Variants in ZNF33A observed in about 807,000 individuals in gnomAD.
ZNF33A encodes the protein brain my041 protein.
A neutral mutation model predicts 15.9 loss-of-function variants in ZNF33A; 9 were observed. The ratio of observed to expected loss-of-function variants is 0.57; its 90% CI spans 0.34 to 0.99. The LOEUF (loss-of-function observed/expected upper bound fraction) is 0.99, where lower values mean the gene tolerates loss of function less well. ZNF33A is among the 50% of genes least tolerant of loss of function. The pLI is 0.02. For missense variants in ZNF33A, 843 were observed against 941.6 expected (o/e 0.90, Z 1.37); for synonymous variants, 294 against 324.2 (o/e 0.91, Z 1.00).
At chr10:38,045,290 A>G (rs1031074394) in intron 4 of ZNF33A, among the ~76,000 whole-genome samples, 7 of 152,286 alleles carry the variant, frequency 4.6e-5, no homozygotes, top group Non-Finnish European at 7.3e-5. Flanking sequence ...GGAAATGCAC[A>G]CTATCTTTGG....
chr10:38,012,536 A>G (rs1475008967), intron 2 of ZNF33A, among the ~76,000 whole-genome samples, 186 bp downstream of exon 2: 2 of 149,606 alleles, frequency 1.3e-5, no homozygotes, highest in Admixed American at 6.8e-5. Flanking sequence ...GGTTCAAGCA[A>G]TTCTCCTGCC....
intron 4 of ZNF33A, among the ~76,000 whole-genome samples, chr10:38,022,652 T>G: frequency 9.7e-6 from 1 of 103,516 alleles, no homozygotes; most frequent in Non-Finnish European, 1.9e-5. Context: ...AGCAAAACTC[T>G]GTCTCAAAAA....
intron 4 of ZNF33A, among the ~76,000 whole-genome samples, chr10:38,024,587 A>C (rs2064901268): frequency 6.6e-6 from 1 of 152,220 alleles, no homozygotes; most frequent in African/African-American, 2.4e-5. Flanking sequence ...TCAAAGTCAT[A>C]AACAGTTGAA....
chr10:38,057,486 T>C lies in ZNF33A; in HGVS notation c.*926T>C. 1 of 985,426 alleles carries C rather than the reference T, an allele frequency of 1.0e-6. No homozygotes were observed. The highest frequency in any genetic ancestry group is 1.2e-6 in the Non-Finnish European group (1 of 829,932). 61.0% of individuals were successfully genotyped at this position (985,426 alleles called of 1,614,324 possible). On this transcript the variant is annotated 3_prime_UTR_variant, in exon 5 of 5. Transcript: ENST00000432900. ...ATATGCATAATGGAATTTAACGTAA[T>C]TGTGAATAGGAAGTAGGTATCCTAG...
intron 4 of ZNF33A, among the ~76,000 whole-genome samples, chr10:38,038,137 T>G: frequency 6.6e-6 from 1 of 152,338 alleles, no homozygotes; most frequent in Middle Eastern, 3.4e-3. Context: ...TTATTTTATT[T>G]ATTTACTTAT....
At position 38,055,142 on chromosome 10, in the gene ZNF33A, G is replaced by A. The variant is rs543319974; in HGVS notation, c.1018G>A (p.Glu340Lys). 2.5e-6 allele frequency: 4 copies of A among 1,614,052 alleles called. No homozygotes were observed. The African/African-American group carries it at 5.3e-5, about 22-fold the overall frequency. ...TAATGAATGTGGGAAAGCTTTCTGG[G>A]AGAAGTCACATCTCACTCGACATCA... ...ECNECGKAFW[E>K]KSHLTRHQRV... Residue 340 changes from glutamate to lysine, a missense_variant, in exon 5 of 5, where the codon GAG becomes AAG. Glu to Lys is a moderately conservative substitution (Grantham distance 56). Transcript: ENST00000432900.
intron 4 of ZNF33A, among the ~76,000 whole-genome samples, chr10:38,044,849 G>A (rs1694353642): frequency 6.6e-6 from 1 of 151,690 alleles, no homozygotes; most frequent in Non-Finnish European, 1.5e-5. Flanking sequence ...TGTGTTTTTA[G>A]TAGAGACGGG....
intron 1 of ZNF33A, among the ~76,000 whole-genome samples, chr10:38,011,998 T>A (rs2064207682): frequency 2.0e-5 from 3 of 152,194 alleles, no homozygotes; most frequent in Admixed American, 2.0e-4. Context: ...CTTTTTTTTG[T>A]GAACACCGAG....
At chr10:38,043,262 C>G (rs2065787832) in intron 4 of ZNF33A, among the ~76,000 whole-genome samples, 1 of 149,282 alleles carries the variant, frequency 6.7e-6, no homozygotes, top group African/African-American at 2.5e-5. Context: ...AAACCAAACA[C>G]AGCATGTTCT....
At chr10:38,060,667 A>C (rs1268351980), downstream of ZNF33A, among the ~76,000 whole-genome samples, 1 of 152,160 alleles carries the variant, frequency 6.6e-6, no homozygotes. Flanking sequence ...CAGGGTGAAA[A>C]GGAAGCAGTT....
At chr10:38,045,668 C>A (rs573524742) in intron 4 of ZNF33A, among the ~76,000 whole-genome samples, 19 of 152,340 alleles carry the variant, frequency 1.2e-4, no homozygotes, top group Admixed American at 1.2e-3. Context: ...TCTTAGCCAT[C>A]TCTTTCCCTT....
rs552318543 is a variant in ZNF33A, at chr10:38,057,109, A to G, written c.*549A>G. On this transcript the variant is annotated 3_prime_UTR_variant, in exon 5 of 5. Transcript: ENST00000432900. ...TCAGATTTTACTATGGTTTGCATGCACTCTGTGTGTGTGTGTACGTGTATG... is the reference window on the plus strand; with the variant it reads ...TCAGATTTTACTATGGTTTGCATGCGCTCTGTGTGTGTGTGTACGTGTATG... 3.8e-4 allele frequency: 268 copies of G among 705,320 alleles called. No homozygotes were observed. The highest frequency in any genetic ancestry group is 4.5e-4 in the Non-Finnish European group (257 of 573,710). The allele number at this position is 705,320 out of a possible 1,614,324, so 43.7% of individuals were successfully genotyped here. A position where few individuals can be genotyped will look rare whatever the true frequency, so the allele number is the denominator to read the frequency against.
chr10:38,037,370 C>T (rs1431265139), intron 4 of ZNF33A, among the ~76,000 whole-genome samples: 1 of 151,878 alleles, frequency 6.6e-6, no homozygotes, highest in African/African-American at 2.4e-5. Context: ...GACGCCCAGC[C>T]TGGTGGGCAG....
At chr10:38,012,476 G>A (rs2064234034) in intron 2 of ZNF33A, 126 bp downstream of exon 2, 4 of 1,156,202 alleles carry the variant, frequency 3.5e-6, no homozygotes, top group South Asian at 1.5e-5. Context: ...CTGTCACCCA[G>A]GCTGGAGTAC....
Position 38,056,115 on chromosome 10 carries a change from C to G in ZNF33A, c.1991C>G (p.Pro664Arg), listed in dbSNP as rs762102201. 1 of 1,613,836 alleles carries G rather than the reference C, an allele frequency of 6.2e-7. No individual in the cohort carries two copies. Among genetic ancestry groups the G allele is most frequent in the Non-Finnish European group, 8.5e-7 (1 of 1,179,992 alleles). Residue 664 changes from proline (P) to arginine (R), a missense_variant, in exon 5 of 5, where the codon CCC (proline) becomes CGC (arginine). Transcript: ENST00000432900. ...VHQRTHTQEKPYKCNECGKSF... is the reference protein window; with the variant it reads ...VHQRTHTQEKRYKCNECGKSF... ...CAGAGAACCCATACACAAGAAAAGCCCTATAAATGTAATGAATGTGGAAAA... is the reference window on the plus strand; with the variant it reads ...CAGAGAACCCATACACAAGAAAAGCGCTATAAATGTAATGAATGTGGAAAA...
rs28420672 is a variant in ZNF33A at position 38,015,875 on chromosome 10, C to T, written c.10-996C>T. ...ATGTAAATGTTGTTTTGTCCTTTGT[C>T]GTTCTCAGTAGAATTGGTTCTGTAA... On this transcript the variant is annotated intron_variant, in intron 2 of 4. Coordinates refer to ENST00000432900, the MANE Select transcript of ZNF33A (RefSeq NM_006954.2). The T allele has an allele frequency of 7.4e-3, 4,148 of 562,652 alleles. 132 individuals are homozygous for T. Among genetic ancestry groups the T allele is most frequent in the African/African-American group, 0.07 (3,635 of 51,656 alleles). 34.9% of individuals were successfully genotyped at this position (562,652 alleles called of 1,614,324 possible). A position where few individuals can be genotyped will look rare whatever the true frequency, so the allele number is the denominator to read the frequency against.
At chr10:38,037,916 G>C (rs570786796) in intron 4 of ZNF33A, among the ~76,000 whole-genome samples, 2 of 152,212 alleles carry the variant, frequency 1.3e-5, no homozygotes, top group East Asian at 3.9e-4. Flanking sequence ...AAGGCAGATG[G>C]GATTTTGGTA....
chr10:38,023,200 T>TC (rs1346836060), intron 4 of ZNF33A, among the ~76,000 whole-genome samples: 1 of 152,158 alleles, frequency 6.6e-6, no homozygotes. Flanking sequence ...CACGTTGGTC[T>TC]CCCAAAGTGC....
At chr10:38,029,237 TTAG>T (rs1356900357) in intron 4 of ZNF33A, among the ~76,000 whole-genome samples, 1 of 152,218 alleles carries the variant, frequency 6.6e-6, no homozygotes, top group Admixed American at 6.5e-5. Context: ...TATAGCAGGC[TTAG>T]TAGTAACAAA....
Sources: gnomAD v4.1 joint callset for allele counts (sites outside exome capture counted in the v4.1 genomes callset) on GRCh38, gnomAD v4.1.1 for gene constraint, MANE v1.5 for transcripts, NCBI Gene and HGNC (gene_info 2026-07-23, HGNC 2026-07-21) for gene names.